ESR1: variants seen among roughly 807,000 people sequenced by gnomAD.
The protein encoded by ESR1 is estrogen receptor 1, also known as estrogen receptor.
In ESR1, 12 loss-of-function variants were observed where a neutral mutation model predicts 52.7. The ratio of observed to expected loss-of-function variants is 0.23; its 90% CI spans 0.15 to 0.37. ESR1 has a LOEUF of 0.37. Among genes scored for constraint, ESR1 ranks in the 10% least tolerant of loss-of-function variants. The pLI, the probability that ESR1 is intolerant of heterozygous loss-of-function variation, is 1.00. For synonymous variants in ESR1, 305 were observed against 316.8 expected (o/e 0.96, Z 0.39); for missense variants, 584 against 779.7 (o/e 0.75, Z 2.99).
chr6:152,093,330 A>ATC lies in ESR1; in HGVS notation c.1370-1033_1370-1032dup, dbSNP rs34340611. On this transcript the variant is annotated intron_variant, in intron 6 of 7. Coordinates refer to ENST00000206249, the MANE Select transcript of ESR1 (RefSeq NM_000125.4). ...CTTGTGACTACTACCTACTACCTGG[A>ATC]TCTCTCTCTCTCTCTCTCTCTCTTT... 3.6e-3 allele frequency among the ~76,000 whole-genome samples: 449 copies of ATC among 125,890 alleles called. 2 individuals are homozygous for ATC. The highest frequency in any genetic ancestry group is 0.014 in the South Asian group (50 of 3,584). The allele number at this position is 125,890 out of a possible 152,430, so 82.6% of individuals were successfully genotyped here. A position where few individuals can be genotyped will look rare whatever the true frequency, so the allele number is the denominator to read the frequency against.
chr6:151,983,156 C>T (rs1237652159), intron 4 of ESR1, among the ~76,000 whole-genome samples: 1 of 152,008 alleles, frequency 6.6e-6, no homozygotes, highest in African/African-American at 2.4e-5. Flanking sequence ...CAGTTCAGTG[C>T]AACAAGTGCT....
intron 2 of ESR1, among the ~76,000 whole-genome samples, chr6:151,737,049 A>G (rs928625400): frequency 6.6e-6 from 1 of 152,218 alleles, no homozygotes; most frequent in Non-Finnish European, 1.5e-5. Flanking sequence ...ATAAAAAATG[A>G]AAATGCTAAT....
chr6:151,882,105 T>C (rs890270232), intron 3 of ESR1, among the ~76,000 whole-genome samples: 1 of 151,938 alleles, frequency 6.6e-6, no homozygotes, highest in African/African-American at 2.4e-5. Flanking sequence ...ATTTTGCAAA[T>C]AGTGGGCAGC....
At chr6:151,986,538 T>G (rs2040500676) in intron 4 of ESR1, among the ~76,000 whole-genome samples, 1 of 152,160 alleles carries the variant, frequency 6.6e-6, no homozygotes, top group African/African-American at 2.4e-5. Flanking sequence ...AATGTGAATG[T>G]AATGAACAAA....
At chr6:151,666,849 C>T (rs930831944) in intron 1 of ESR1, among the ~76,000 whole-genome samples, 6 of 151,966 alleles carry the variant, frequency 3.9e-5, no homozygotes, top group Admixed American at 3.3e-4. Flanking sequence ...GCACCAAAAC[C>T]CAGCAGAGTT....
intron 3 of ESR1, among the ~76,000 whole-genome samples, chr6:151,910,218 T>C (rs1798061528): frequency 6.6e-6 from 1 of 151,894 alleles, no homozygotes; most frequent in Non-Finnish European, 1.5e-5. Flanking sequence ...TTGGTGTGAC[T>C]GAGGAACTAA....
Position 151,850,001 on chromosome 6 carries a change from TATATAA to T in ESR1, c.643+7215_643+7220del, listed in dbSNP as rs1246441139. 5.3e-4 allele frequency among the ~76,000 whole-genome samples: 53 copies of T among 100,064 alleles called. 1 individual carries two copies. In the East Asian group the frequency reaches 5.7e-3, roughly 11 times the overall value. The allele number at this position is 100,064 out of a possible 152,430, so 65.6% of individuals were successfully genotyped here. A position where few individuals can be genotyped will look rare whatever the true frequency, so the allele number is the denominator to read the frequency against. On this transcript the variant is annotated intron_variant, in intron 2 of 7. Coordinates refer to ENST00000206249, the MANE Select transcript of ESR1 (RefSeq NM_000125.4). ...AATTATATATATATATATATATATA[TATATAA>T]TTTTGTATATATATACAAAATTATA...
At chr6:151,883,260 C>T (rs1321708854) in intron 3 of ESR1, among the ~76,000 whole-genome samples, 1 of 151,076 alleles carries the variant, frequency 6.6e-6, no homozygotes, top group African/African-American at 2.4e-5. Flanking sequence ...GCTGGGACTA[C>T]AGGTGTGTGC....
chr6:151,760,656 A>G (rs781714788), intron 2 of ESR1, among the ~76,000 whole-genome samples: 2 of 152,264 alleles, frequency 1.3e-5, no homozygotes, highest in Middle Eastern at 6.8e-3. Context: ...CTGGTAAGAC[A>G]CTTCTTTGAG....
At chr6:151,818,072 A>G (rs556433454) in intron 1 of ESR1, among the ~76,000 whole-genome samples, 1 of 152,268 alleles carries the variant, frequency 6.6e-6, no homozygotes, top group African/African-American at 2.4e-5. Context: ...CTTTCCACAA[A>G]TAGAATACTG....
At chr6:151,880,181 G>GTTTTTTTTTTTTTTTT (rs71017515) in intron 2 of ESR1, among the ~76,000 whole-genome samples, 18 of 116,350 alleles carry the variant, frequency 1.5e-4, no homozygotes, top group East Asian at 2.5e-4. Context: ...TTTTTGTTCT[G>GTTTTTTTTTTTTTTTT]TTTTTTTTTT....
At chr6:151,784,936 G>C (rs912041121) in intron 2 of ESR1, among the ~76,000 whole-genome samples, 11 of 152,130 alleles carry the variant, frequency 7.2e-5, no homozygotes, top group Non-Finnish European at 1.6e-4. Context: ...TACATTCTAG[G>C]GACATTTTTT....
At chr6:151,729,927 A>AAAAAAAG (rs1782115648) in intron 2 of ESR1, among the ~76,000 whole-genome samples, 1 of 152,142 alleles carries the variant, frequency 6.6e-6, no homozygotes, top group South Asian at 2.1e-4. Flanking sequence ...GTCTGTACAG[A>AAAAAAAG]AAAAAAGAAA....
intron 4 of ESR1, among the ~76,000 whole-genome samples, chr6:152,000,994 T>A (rs1253577230): frequency 1.3e-5 from 2 of 152,038 alleles, no homozygotes; most frequent in Non-Finnish European, 2.9e-5. Context: ...GAAATACTGC[T>A]GTAGTTCCTG....
At chr6:151,820,454 G>A (rs920616460) in intron 1 of ESR1, among the ~76,000 whole-genome samples, 15 of 152,114 alleles carry the variant, frequency 9.9e-5, no homozygotes, top group African/African-American at 3.6e-4. Context: ...TCTCATAAGA[G>A]GCTGGTACTA....
Position 152,093,591 on chromosome 6 carries a change from T to A in ESR1, c.1370-794T>A, listed in dbSNP as rs117569204. ...TGTCCAGAGGCACCAGGCACTGTGA[T>A]GGTCTCACTTTCTGTCCTGGATCTA... On this transcript the variant is annotated intron_variant, in intron 6 of 7. Coordinates refer to ENST00000206249, the MANE Select transcript of ESR1 (RefSeq NM_000125.4). Among the ~76,000 whole-genome samples the A allele has an allele frequency of 2.6e-5, 4 of 152,268 alleles. No individual in the cohort carries two copies. In the East Asian group the frequency reaches 7.7e-4, roughly 29 times the overall value.
chr6:151,870,335 A>G (rs909487936), intron 2 of ESR1, among the ~76,000 whole-genome samples: 1 of 152,200 alleles, frequency 6.6e-6, no homozygotes, highest in African/African-American at 2.4e-5. Flanking sequence ...GTTAGGAATC[A>G]TGGGTTCTGG....
chr6:151,786,169 A>G (rs2128126834), intron 2 of ESR1, among the ~76,000 whole-genome samples: 1 of 152,312 alleles, frequency 6.6e-6, no homozygotes, highest in Admixed American at 6.5e-5. Context: ...TTAACATTAA[A>G]GTCACAAGGA....
intron 2 of ESR1, among the ~76,000 whole-genome samples, chr6:151,764,382 C>T (rs2504069): frequency 0.75 from 113,393 of 152,034 alleles, 42,564 homozygotes; most frequent in East Asian, 0.96. Context: ...AAGAAGACAT[C>T]CTTGATGAAG....
Sources: gnomAD v4.1 joint callset for allele counts (sites outside exome capture counted in the v4.1 genomes callset) on GRCh38, gnomAD v4.1.1 for gene constraint, MANE v1.5 for transcripts, NCBI Gene and HGNC (gene_info 2026-07-23, HGNC 2026-07-21) for gene names.